The following PRELID2 variants were observed in gnomAD, a reference collection of about 807,000 sequenced individuals.
PRELID2 encodes the protein PRELI domain containing 2, also known as PRELI domain-containing protein 2.
PRELID2 carries 25 observed loss-of-function variants against 28.4 expected under a neutral mutation model. That is an observed-to-expected ratio of 0.88 (90% CI 0.64 to 1.23). The LOEUF (loss-of-function observed/expected upper bound fraction) is 1.23. Ranked by LOEUF, PRELID2 falls within the 50% of genes most tolerant of loss-of-function variation. The probability of loss-of-function intolerance (pLI) is 0.00; values close to 1 mark genes in which losing one functional copy is unlikely to be tolerated. For missense variants in PRELID2, 201 were observed against 214.4 expected, an observed-to-expected ratio of 0.94 and a Z score of 0.39; for synonymous variants, 76 against 71.6, an observed-to-expected ratio of 1.06 and a Z score of -0.31.
At chr5:145,750,159 C>CGA (rs1445965978) in intron 1 of PRELID2, among the ~76,000 whole-genome samples, 2 of 151,646 alleles carry the variant, frequency 1.3e-5, no homozygotes, top group Non-Finnish European at 2.9e-5. Context: ...ATCACCAAGC[C>CGA]GAGAAGTTGT....
At chr5:145,683,295 C>T (rs1382687629) in intron 1 of PRELID2, among the ~76,000 whole-genome samples, 1 of 152,116 alleles carries the variant, frequency 6.6e-6, no homozygotes, top group East Asian at 1.9e-4. Context: ...GTGTTCTATA[C>T]TACCCCTAGA....
At chr5:145,249,239 G>A in the PRELID2 span, among the ~76,000 whole-genome samples, 3 of 152,110 alleles carry the variant, frequency 2.0e-5, no homozygotes, top group East Asian at 1.9e-4. Flanking sequence ...GCCCCTTCCC[G>A]GCACACAAGC....
At chr5:145,502,862 G>A (rs755333940) in intron 1 of PRELID2, among the ~76,000 whole-genome samples, 32 of 147,202 alleles carry the variant, frequency 2.2e-4, no homozygotes, top group Admixed American at 3.4e-4. Flanking sequence ...TTTTTCTGCC[G>A]TGTCTGTATA....
chr5:145,320,416 G>C, the PRELID2 span, among the ~76,000 whole-genome samples: 1 of 151,506 alleles, frequency 6.6e-6, no homozygotes, highest in Admixed American at 6.6e-5. Context: ...GACTACAGGC[G>C]CCCGCCACTA....
chr5:145,312,659 C>A, the PRELID2 span, among the ~76,000 whole-genome samples: 1 of 152,124 alleles, frequency 6.6e-6, no homozygotes, highest in Non-Finnish European at 1.5e-5. Flanking sequence ...GCCCTCCAGG[C>A]TCATCTATGT....
the PRELID2 span, among the ~76,000 whole-genome samples, chr5:145,431,691 A>T: frequency 7.2e-4 from 110 of 152,326 alleles, 1 homozygote; most frequent in African/African-American, 2.5e-3. Context: ...CGTTCTACAA[A>T]ATAACTGTAG....
At chr5:145,333,592 A>G in the PRELID2 span, among the ~76,000 whole-genome samples, 33 of 152,248 alleles carry the variant, frequency 2.2e-4, 1 homozygote, top group Middle Eastern at 0.024. Context: ...TGCCTACTCA[A>G]GCCTCAGTAA....
the PRELID2 span, among the ~76,000 whole-genome samples, chr5:145,262,004 A>G: frequency 6.6e-6 from 1 of 152,176 alleles, no homozygotes; most frequent in South Asian, 2.1e-4. Flanking sequence ...TAAGAAAACA[A>G]TCACTACATC....
chr5:145,788,603 CA>C (rs1752159492), intron 5 of PRELID2, among the ~76,000 whole-genome samples: 1 of 152,126 alleles, frequency 6.6e-6, no homozygotes, highest in South Asian at 2.1e-4. Context: ...ACAACTATCT[CA>C]AAAGAAGTGG....
At chr5:145,422,751 G>C in the PRELID2 span, among the ~76,000 whole-genome samples, 1 of 151,272 alleles carries the variant, frequency 6.6e-6, no homozygotes, top group African/African-American at 2.4e-5. Context: ...AGTTAATATT[G>C]TTATGTGTGA....
intron 1 of PRELID2, among the ~76,000 whole-genome samples, chr5:145,482,280 G>A (rs1752169119): frequency 6.6e-6 from 1 of 152,240 alleles, no homozygotes; most frequent in South Asian, 2.1e-4. Context: ...CAGCAAGGGA[G>A]AATGAAAAAT....
chr5:145,446,246 T>C, the PRELID2 span, among the ~76,000 whole-genome samples: 3 of 152,050 alleles, frequency 2.0e-5, no homozygotes, highest in Non-Finnish European at 4.4e-5. Context: ...CCCATCAATG[T>C]GTACAATTGT....
At chr5:145,806,975 T>C (rs1033622091) in intron 4 of PRELID2, among the ~76,000 whole-genome samples, 30 of 152,236 alleles carry the variant, frequency 2.0e-4, no homozygotes, top group African/African-American at 5.1e-4. Flanking sequence ...GATAACAGTA[T>C]GAAAATGGAC....
intron 1 of PRELID2, among the ~76,000 whole-genome samples, chr5:145,677,271 C>T (rs1001265677): frequency 6.7e-6 from 1 of 150,254 alleles, no homozygotes; most frequent in Non-Finnish European, 1.5e-5. Context: ...TCTCATGCCT[C>T]AGCCTCCTGA....
chr5:145,255,048 C>T, the PRELID2 span, among the ~76,000 whole-genome samples: 83 of 152,214 alleles, frequency 5.5e-4, no homozygotes, highest in African/African-American at 1.9e-3. Flanking sequence ...ACACACCCTG[C>T]CACCCCTCAC....
chr5:145,592,028 C>T (rs1580988946), intron 1 of PRELID2, among the ~76,000 whole-genome samples: 1 of 152,296 alleles, frequency 6.6e-6, no homozygotes, highest in Admixed American at 6.5e-5. Context: ...TTTCTATATA[C>T]ATTTAAGCTG....
chr5:145,386,260 C>A, the PRELID2 span, among the ~76,000 whole-genome samples: 2 of 152,004 alleles, frequency 1.3e-5, no homozygotes, highest in Non-Finnish European at 2.9e-5. Context: ...ATGAGAACAG[C>A]ATGGAGGTGG....
At chr5:145,327,601 A>G in the PRELID2 span, among the ~76,000 whole-genome samples, 1 of 152,026 alleles carries the variant, frequency 6.6e-6, no homozygotes, top group Non-Finnish European at 1.5e-5. Flanking sequence ...ACTATTTTCA[A>G]TTAAAGTAAT....
intron 5 of PRELID2, among the ~76,000 whole-genome samples, chr5:145,791,601 G>A (rs1752399100): frequency 6.6e-6 from 1 of 152,114 alleles, no homozygotes; most frequent in African/African-American, 2.4e-5. Flanking sequence ...ATTGTTTAAT[G>A]GCTAAGGAGT....
Sources: gnomAD v4.1 joint callset for allele counts (sites outside exome capture counted in the v4.1 genomes callset) on GRCh38, gnomAD v4.1.1 for gene constraint, MANE v1.5 for transcripts, NCBI Gene and HGNC (gene_info 2026-07-23, HGNC 2026-07-21) for gene names.